SMOC2: variants seen among roughly 807,000 people sequenced by gnomAD.
SMOC2 encodes the protein SPARC-related modular calcium-binding protein 2.
A neutral mutation model predicts 61.4 loss-of-function variants in SMOC2; 39 were observed. The ratio of observed to expected loss-of-function variants is 0.64; its 90% CI spans 0.49 to 0.83. The LOEUF (loss-of-function observed/expected upper bound fraction) is 0.83. SMOC2 is among the 40% of genes least tolerant of loss of function. SMOC2 has a pLI of 0.00. For synonymous variants in SMOC2, 247 were observed against 239.9 expected (o/e 1.03, Z -0.27); for missense variants, 556 against 592.9 (o/e 0.94, Z 0.65).
intron 9 of SMOC2, among the ~76,000 whole-genome samples, chr6:168,649,765 G>A (rs1482496044): frequency 6.6e-6 from 1 of 152,154 alleles, no homozygotes; most frequent in Non-Finnish European, 1.5e-5. Context: ...TTGGGCAGCT[G>A]AGCTGCTTCT....
chr6:168,569,607 G>GTTTTTA (rs1453432840), intron 7 of SMOC2, among the ~76,000 whole-genome samples: 2 of 152,000 alleles, frequency 1.3e-5, no homozygotes, highest in Non-Finnish European at 2.9e-5. Context: ...CGCCTGGTTA[G>GTTTTTA]TTTTTATTTT....
Position 168,650,993 on chromosome 6 carries a change from A to G in SMOC2, c.1010+210A>G, listed in dbSNP as rs577261176. Among the ~76,000 whole-genome samples the G allele has an allele frequency of 3.9e-5, 6 of 152,352 alleles. No individual in the cohort carries two copies. The South Asian group carries it at 1.2e-3, about 32-fold the overall frequency. The stretch of plus-strand genomic sequence containing the variant: ...ACTGAAAACACTCCCATAGGGGTAC[A>G]TGGCCCTGAGCCGTGACTCCTGGGC... On this transcript the variant is annotated intron_variant, in intron 10 of 12. Transcript: ENST00000356284.
At chr6:168,650,836 G>A in intron 10 of SMOC2, 53 bp downstream of exon 10, 2 of 1,517,118 alleles carry the variant, frequency 1.3e-6, no homozygotes, top group South Asian at 2.3e-5. Context: ...AGAATTCTGG[G>A]GAATCTGGAA....
At chr6:168,585,271 G>C (rs992231202) in intron 7 of SMOC2, among the ~76,000 whole-genome samples, 9 of 152,124 alleles carry the variant, frequency 5.9e-5, no homozygotes, top group Non-Finnish European at 1.3e-4. Context: ...CATTACTTTG[G>C]TCTGTTCTGG....
intron 9 of SMOC2, among the ~76,000 whole-genome samples, chr6:168,636,319 C>G (rs12216081): frequency 0.14 from 21,290 of 152,234 alleles, 1,577 homozygotes; most frequent in Middle Eastern, 0.2. Flanking sequence ...TAGACAGACT[C>G]TAATGTCTCA....
chr6:168,444,584 C>T (rs916914339), intron 1 of SMOC2, among the ~76,000 whole-genome samples: 3 of 152,154 alleles, frequency 2.0e-5, no homozygotes, highest in Admixed American at 6.5e-5. Context: ...TCAACAATGG[C>T]ATTCTTAAGT....
intron 6 of SMOC2, among the ~76,000 whole-genome samples, chr6:168,547,858 T>C (rs1784043541): frequency 6.6e-6 from 1 of 152,122 alleles, no homozygotes; most frequent in African/African-American, 2.4e-5. Flanking sequence ...TGCATTCTCA[T>C]GAGGGTTTCG....
intron 7 of SMOC2, among the ~76,000 whole-genome samples, chr6:168,576,268 T>G (rs1784801718): frequency 6.6e-6 from 1 of 152,108 alleles, no homozygotes; most frequent in Non-Finnish European, 1.5e-5. Flanking sequence ...TCCCACACTT[T>G]TTTGATATAA....
chr6:168,496,561 C>G (rs747626530), intron 1 of SMOC2, among the ~76,000 whole-genome samples: 1 of 152,230 alleles, frequency 6.6e-6, no homozygotes, highest in Non-Finnish European at 1.5e-5. Context: ...GGACCAATCG[C>G]CTGTCGCCCC....
chr6:168,542,866 A>T (rs1177984594), intron 4 of SMOC2, among the ~76,000 whole-genome samples: 1 of 152,196 alleles, frequency 6.6e-6, no homozygotes, highest in Non-Finnish European at 1.5e-5. Flanking sequence ...AAAAAAGAAA[A>T]CAAAAACAAA....
intron 1 of SMOC2, among the ~76,000 whole-genome samples, chr6:168,476,895 A>G (rs1341755640): frequency 6.6e-6 from 1 of 150,988 alleles, no homozygotes; most frequent in African/African-American, 2.4e-5. Context: ...AAACATTTGG[A>G]ACTGCTTGGA....
intron 7 of SMOC2, among the ~76,000 whole-genome samples, chr6:168,551,634 A>G (rs1784133042): frequency 6.6e-6 from 1 of 151,996 alleles, no homozygotes; most frequent in African/African-American, 2.4e-5. Flanking sequence ...TTGTATTTCT[A>G]GTAGAGACAG....
intron 1 of SMOC2, among the ~76,000 whole-genome samples, chr6:168,477,415 A>T (rs570583517): frequency 6.6e-6 from 1 of 152,216 alleles, no homozygotes; most frequent in Non-Finnish European, 1.5e-5. Flanking sequence ...CTGAGTCATT[A>T]CATGTGTGTT....
chr6:168,577,344 C>T (rs1249598422), intron 7 of SMOC2, among the ~76,000 whole-genome samples: 1 of 152,148 alleles, frequency 6.6e-6, no homozygotes, highest in African/African-American at 2.4e-5. Flanking sequence ...ACCAGGATGC[C>T]TTATTCCATC....
rs1441743375 is a variant in SMOC2 at position 168,511,810 on chromosome 6, G to GTTT, written c.256+1724_256+1725insTTT. On this transcript the variant is annotated intron_variant, in intron 2 of 12. Transcript: ENST00000356284. ...TGACAAATGGCTATTCATTATCAAG[G>GTTT]GTTGTTTTTTTTTTTTTTTCTGAAA... 5.0e-4 allele frequency among the ~76,000 whole-genome samples: 20 copies of GTTT among 40,114 alleles called. No homozygotes were observed. The South Asian group carries it at 0.023, about 46-fold the overall frequency. 26.3% of individuals were successfully genotyped at this position (40,114 alleles called of 152,430 possible).
chr6:168,444,854 G>A (rs1040158847), intron 1 of SMOC2, among the ~76,000 whole-genome samples: 3 of 152,166 alleles, frequency 2.0e-5, no homozygotes, highest in African/African-American at 7.2e-5. Context: ...ATACCTAGGT[G>A]ATTTCTTTAA....
At chr6:168,468,968 A>T (rs2115011214) in intron 1 of SMOC2, among the ~76,000 whole-genome samples, 1 of 152,386 alleles carries the variant, frequency 6.6e-6, no homozygotes, top group East Asian at 1.9e-4. Flanking sequence ...TAGAAGCAGC[A>T]CGCATACAGA....
At chr6:168,595,088 C>T (rs1264756981) in intron 7 of SMOC2, among the ~76,000 whole-genome samples, 7 of 145,674 alleles carry the variant, frequency 4.8e-5, no homozygotes, top group African/African-American at 7.6e-5. Flanking sequence ...TTCCTGAGGC[C>T]TCACGGGCAT....
At chr6:168,559,142 T>C (rs532418771) in intron 7 of SMOC2, among the ~76,000 whole-genome samples, 59 of 152,330 alleles carry the variant, frequency 3.9e-4, no homozygotes, top group Non-Finnish European at 6.6e-4. Context: ...AATATCTCTT[T>C]TTGCCATTCA....
Sources: allele counts gnomAD v4.1 joint callset (sites outside exome capture counted in the v4.1 genomes callset), GRCh38; gene constraint gnomAD v4.1.1; transcripts MANE v1.5; gene names NCBI Gene and HGNC (gene_info 2026-07-23, HGNC 2026-07-21).